Variants in CDK17 observed in about 807,000 individuals in gnomAD.
The protein encoded by CDK17 is cyclin dependent kinase 17.
In CDK17, 24 loss-of-function variants were observed where a neutral mutation model predicts 77.6. The observed-to-expected ratio is 0.31, with a 90% CI of 0.22 to 0.44. The LOEUF is 0.44. Ranked by LOEUF, CDK17 falls within the 20% of genes least tolerant of loss-of-function variation. The pLI is 1.00. For missense variants in CDK17, 429 were observed against 622.5 expected (o/e 0.69, Z 3.31); for synonymous variants, 203 against 210.4 (o/e 0.96, Z 0.30).
At chr12:96,380,436 C>T (rs369307935) in intron 1 of CDK17, among the ~76,000 whole-genome samples, 5 of 151,728 alleles carry the variant, frequency 3.3e-5, no homozygotes, top group African/African-American at 1.2e-4. Context: ...GCCCAAGCAT[C>T]CACCACCACG....
At chr12:96,358,531 AG>A (rs1953441488) in intron 1 of CDK17, among the ~76,000 whole-genome samples, 1 of 152,092 alleles carries the variant, frequency 6.6e-6, no homozygotes, top group African/African-American at 2.4e-5. Context: ...AATAATAAAA[AG>A]GATACAGGGG....
chr12:96,311,796 T>A (rs187839282), intron 4 of CDK17, among the ~76,000 whole-genome samples: 2 of 151,808 alleles, frequency 1.3e-5, no homozygotes, highest in African/African-American at 4.8e-5. Context: ...TATAAAAACA[T>A]ACAATGCCAC....
At position 96,324,172 on chromosome 12, in the gene CDK17, AG is replaced by A. The variant is rs1952862655; in HGVS notation, c.119-61del. 3.0e-6 allele frequency: 4 copies of A among 1,354,048 alleles called. No individual in the cohort carries two copies. The East Asian group carries it at 9.9e-5, about 33-fold the overall frequency. 83.9% of individuals were successfully genotyped at this position (1,354,048 alleles called of 1,614,324 possible). ...TCAGTCCAAGATCCAGGATCACATG[AG>A]AAGGATTCAGAAAGCAAAACAAAAA... On this transcript the variant is annotated intron_variant, in intron 2 of 16. Transcript: ENST00000261211.
In CDK17 at chr12:96,295,124, T is replaced by A; in HGVS notation, c.874-2A>T. 6.3e-7 allele frequency: 1 copy of A among 1,592,794 alleles called. No individual in the cohort carries two copies. The highest frequency in any genetic ancestry group is 8.5e-7 in the Non-Finnish European group (1 of 1,172,302). ...ACGTAGAATTTGGTACAGAAACAGC[T>A]ACAGAAACAAATAAATAAAAATTAG... is the stretch of plus-strand genomic sequence containing the variant. On this transcript the variant is annotated splice_acceptor_variant, in intron 9 of 16. Transcript: ENST00000261211. LOFTEE classifies it high-confidence loss of function.
At chr12:96,282,730 TC>T (rs1952193169) in intron 14 of CDK17, 131 bp from the exon 15 acceptor site, 4 of 613,820 alleles carry the variant, frequency 6.5e-6, no homozygotes, top group Non-Finnish European at 1.2e-5. Context: ...TATTTTTCAA[TC>T]AACAATTTGG....
At chr12:96,348,523 C>CAAAA (rs35363324) in intron 1 of CDK17, among the ~76,000 whole-genome samples, 58 of 66,334 alleles carry the variant, frequency 8.7e-4, no homozygotes, top group Non-Finnish European at 1.2e-3. Context: ...GACTCTGTCT[C>CAAAA]AAAAAAAAAA....
chr12:96,343,811 C>G (rs970753172), intron 1 of CDK17, among the ~76,000 whole-genome samples: 2 of 152,072 alleles, frequency 1.3e-5, no homozygotes, highest in African/African-American at 4.8e-5. Context: ...AACAAATAAC[C>G]ACAAAGCACA....
At chr12:96,348,605 T>C (rs10745758) in intron 1 of CDK17, among the ~76,000 whole-genome samples, 65,294 of 150,320 alleles carry the variant, frequency 0.43, 15,238 homozygotes, top group African/African-American at 0.59. Context: ...AAGAAGAGAT[T>C]ACACTCAAAT....
At chr12:96,380,032 G>A (rs1953850065) in intron 1 of CDK17, among the ~76,000 whole-genome samples, 1 of 151,660 alleles carries the variant, frequency 6.6e-6, no homozygotes. Context: ...AGCTGTGCAT[G>A]GTGGCACACA....
At chr12:96,314,888 A>C (rs895159950) in intron 3 of CDK17, among the ~76,000 whole-genome samples, 2 of 152,188 alleles carry the variant, frequency 1.3e-5, no homozygotes, top group African/African-American at 4.8e-5. Flanking sequence ...GTCATCACTC[A>C]GTGAAGTCTT....
At chr12:96,332,583 A>C (rs1274510510) in intron 2 of CDK17, among the ~76,000 whole-genome samples, 1 of 152,012 alleles carries the variant, frequency 6.6e-6, no homozygotes, top group Non-Finnish European at 1.5e-5. Context: ...AAAGGTGTAG[A>C]ATCTCTGTGA....
chr12:96,338,072 G>A (rs1953070772), intron 1 of CDK17, among the ~76,000 whole-genome samples: 1 of 152,306 alleles, frequency 6.6e-6, no homozygotes, highest in South Asian at 2.1e-4. Context: ...ATATCAGTTT[G>A]ATTTCTTAGG....
intron 1 of CDK17, among the ~76,000 whole-genome samples, chr12:96,344,104 A>C (rs1235790790): frequency 1.3e-5 from 2 of 152,228 alleles, no homozygotes; most frequent in Admixed American, 1.3e-4. Context: ...GGCAGAAAAA[A>C]TGATTAGCAA....
chr12:96,283,428 A>ACC (rs1565801853), intron 14 of CDK17, among the ~76,000 whole-genome samples, 175 bp downstream of exon 14: 2 of 146,848 alleles, frequency 1.4e-5, no homozygotes, highest in African/African-American at 5.1e-5. Context: ...AGAGACCCAG[A>ACC]CACATTAGGA....
intron 5 of CDK17, 115 bp from the exon 6 acceptor site, chr12:96,300,475 C>A: frequency 3.3e-6 from 2 of 608,600 alleles, no homozygotes; most frequent in Non-Finnish European, 2.9e-6. Context: ...TGGCTTACTG[C>A]AACCTCCACC....
At chr12:96,339,393 C>T (rs1217063834) in intron 1 of CDK17, among the ~76,000 whole-genome samples, 1 of 151,808 alleles carries the variant, frequency 6.6e-6, no homozygotes, top group Non-Finnish European at 1.5e-5. Flanking sequence ...GGAAGTTATT[C>T]TTTAATGGGT....
chr12:96,302,082 A>C (rs1056597211), intron 5 of CDK17, among the ~76,000 whole-genome samples: 3 of 152,156 alleles, frequency 2.0e-5, no homozygotes, highest in Non-Finnish European at 2.9e-5. Context: ...ATTAAATTTT[A>C]AAAATGAAGT....
At chr12:96,358,834 GCCCC>G (rs1592751739) in intron 1 of CDK17, among the ~76,000 whole-genome samples, 3 of 61,156 alleles carry the variant, frequency 4.9e-5, no homozygotes, top group African/African-American at 2.2e-4. Flanking sequence ...CTCCGTGCCC[GCCCC>G]CACCCCACCC....
intron 5 of CDK17, among the ~76,000 whole-genome samples, chr12:96,310,457 C>T (rs1952632593): frequency 6.6e-6 from 1 of 151,842 alleles, no homozygotes; most frequent in African/African-American, 2.4e-5. Flanking sequence ...TTAGAAGATC[C>T]AGATACCAAA....
Sources: gnomAD v4.1 joint callset for allele counts (sites outside exome capture counted in the v4.1 genomes callset) on GRCh38, gnomAD v4.1.1 for gene constraint, MANE v1.5 for transcripts, NCBI Gene and HGNC (gene_info 2026-07-23, HGNC 2026-07-21) for gene names.